THSD7A: variants seen among roughly 807,000 people sequenced by gnomAD.
THSD7A encodes the protein thrombospondin type-1 domain-containing protein 7A.
In THSD7A, 96 loss-of-function variants were observed where a neutral mutation model predicts 231.3. The ratio of observed to expected loss-of-function variants is 0.41; its 90% CI spans 0.35 to 0.49. THSD7A has a LOEUF of 0.49. THSD7A is among the 20% of genes least tolerant of loss of function. The pLI is 0.05. For synonymous variants in THSD7A, 940 were observed against 743.3 expected (o/e 1.26, Z -4.30); for missense variants, 2,290 against 2,070.2 (o/e 1.11, Z -2.06).
intron 1 of THSD7A, among the ~76,000 whole-genome samples, chr7:11,672,473 T>C (rs1284289561): frequency 6.6e-6 from 1 of 152,152 alleles, no homozygotes; most frequent in Non-Finnish European, 1.5e-5. Context: ...ATAAAGATGT[T>C]AATCTTATAA....
At chr7:11,781,117 T>G (rs539192504) in intron 1 of THSD7A, among the ~76,000 whole-genome samples, 1 of 145,700 alleles carries the variant, frequency 6.9e-6, no homozygotes, top group East Asian at 2.0e-4. Context: ...AATAGAAGTA[T>G]ATGCTGTGCA....
Position 11,567,107 on chromosome 7 carries a change from C to A in THSD7A, c.1453+23353G>T, listed in dbSNP as rs548510782. Among the ~76,000 whole-genome samples the A allele has an allele frequency of 2.6e-4, 40 of 152,164 alleles. 1 individual carries two copies. The highest frequency in any genetic ancestry group is 1.5e-3 in the South Asian group (7 of 4,810). On this transcript the variant is annotated intron_variant, in intron 4 of 27. Coordinates refer to ENST00000423059, the MANE Select transcript of THSD7A (RefSeq NM_015204.3). ...CTAATAATCCTTTAGGGCCCAATAT[C>A]CCATGTATTATTCCTTTTTCATACT...
At chr7:11,757,408 C>G (rs1042530101) in intron 1 of THSD7A, among the ~76,000 whole-genome samples, 4 of 151,860 alleles carry the variant, frequency 2.6e-5, no homozygotes, top group Admixed American at 6.6e-5. Flanking sequence ...TTTCAGAATA[C>G]CTTTGTATAC....
intron 6 of THSD7A, among the ~76,000 whole-genome samples, chr7:11,504,306 C>T (rs1787457855): frequency 6.6e-6 from 1 of 151,936 alleles, no homozygotes; most frequent in Admixed American, 6.6e-5. Flanking sequence ...CTGGCGTCCA[C>T]TTGATGGGAA....
At chr7:11,719,127 C>T (rs1320323620) in intron 1 of THSD7A, among the ~76,000 whole-genome samples, 1 of 151,512 alleles carries the variant, frequency 6.6e-6, no homozygotes, top group African/African-American at 2.4e-5. Context: ...TTTCATCCCC[C>T]AGAAAAGGTA....
chr7:11,675,056 A>T (rs1307971471), intron 1 of THSD7A, among the ~76,000 whole-genome samples: 1 of 152,062 alleles, frequency 6.6e-6, no homozygotes, highest in East Asian at 1.9e-4. Context: ...CTGCATTTCC[A>T]ACTAAGGCAC....
chr7:11,708,368 G>A (rs1056925712), intron 1 of THSD7A, among the ~76,000 whole-genome samples: 1 of 150,608 alleles, frequency 6.6e-6, no homozygotes, highest in African/African-American at 2.4e-5. Flanking sequence ...CCATATGTTT[G>A]TAAAACAAAA....
At chr7:11,407,900 T>C (rs575068600) in intron 19 of THSD7A, among the ~76,000 whole-genome samples, 1 of 152,300 alleles carries the variant, frequency 6.6e-6, no homozygotes, top group East Asian at 1.9e-4. Flanking sequence ...ACTAATGATA[T>C]CATGTATTGA....
rs1187651615 is a variant in THSD7A, at chr7:11,406,811, C to G, written c.4062+99G>C. On this transcript the variant is annotated intron_variant, in intron 21 of 27. Coordinates refer to ENST00000423059, the MANE Select transcript of THSD7A (RefSeq NM_015204.3). This position sits in a 1 kb window ranked among gnomAD's most constrained non-coding sequence, Gnocchi z 4.7. ...TTAAGAAGCTTGTCATCTGTGAGCT[C>G]TGAAACATATTTCTAACACATTATT... 1 of 1,396,642 alleles carries G rather than the reference C, an allele frequency of 7.2e-7. No individual in the cohort carries two copies. 86.5% of individuals were successfully genotyped at this position (1,396,642 alleles called of 1,614,324 possible).
chr7:11,755,657 A>G (rs1348614814), intron 1 of THSD7A, among the ~76,000 whole-genome samples: 1 of 152,084 alleles, frequency 6.6e-6, no homozygotes. Context: ...GCCAGCTGGA[A>G]GTACCTCATG....
intron 6 of THSD7A, among the ~76,000 whole-genome samples, chr7:11,514,876 C>T (rs1320183988): frequency 6.6e-6 from 1 of 152,098 alleles, no homozygotes; most frequent in Non-Finnish European, 1.5e-5. Context: ...AGCTCCAAAA[C>T]TAAGAACCAC....
Position 11,769,900 on chromosome 7 carries a change from G to A in THSD7A, c.190+61857C>T, listed in dbSNP as rs887011432. ...TCAAGTATCTTGAAAATTAAATAAC[G>A]TAAATAAGCAACATTTTTGAAAACT... On this transcript the variant is annotated intron_variant, in intron 1 of 27. Transcript: ENST00000423059. 9.2e-5 allele frequency among the ~76,000 whole-genome samples: 14 copies of A among 152,044 alleles called. No homozygotes were observed. The East Asian group carries it at 1.2e-3, about 13-fold the overall frequency.
chr7:11,763,068 T>G (rs936581809), intron 1 of THSD7A, among the ~76,000 whole-genome samples: 2 of 152,194 alleles, frequency 1.3e-5, no homozygotes, highest in Non-Finnish European at 2.9e-5. Flanking sequence ...AATTCTTTAT[T>G]GGGTCCCTAT....
rs35668623 is a variant in THSD7A at position 11,689,811 on chromosome 7, TA to T, written c.191-52851del. Among the ~76,000 whole-genome samples, 460 of 129,462 alleles carry T rather than the reference TA, an allele frequency of 3.6e-3. 1 individual carries two copies. The highest frequency in any genetic ancestry group is 5.7e-3 in the East Asian group (25 of 4,378). 84.9% of individuals were successfully genotyped at this position (129,462 alleles called of 152,430 possible). On this transcript the variant is annotated intron_variant, in intron 1 of 27. Transcript: ENST00000423059. ...AAATTCTCACCCATTTGGAATTAGT[TA>T]AAAAAAAAAAAAAAAAGGCAAGTTT...
intron 1 of THSD7A, among the ~76,000 whole-genome samples, chr7:11,829,657 T>C (rs1490429168): frequency 6.6e-6 from 1 of 152,164 alleles, no homozygotes; most frequent in Non-Finnish European, 1.5e-5. Flanking sequence ...GCCTCTTTAT[T>C]TTCATCAAGT....
At chr7:11,790,135 A>T (rs1279060426) in intron 1 of THSD7A, among the ~76,000 whole-genome samples, 2 of 152,170 alleles carry the variant, frequency 1.3e-5, no homozygotes, top group Middle Eastern at 3.4e-3. Flanking sequence ...CAAAAATCAG[A>T]GTTAAAAGCA....
At chr7:11,676,592 A>T (rs142645566) in intron 1 of THSD7A, among the ~76,000 whole-genome samples, 86 of 152,294 alleles carry the variant, frequency 5.6e-4, no homozygotes, top group African/African-American at 1.9e-3. Context: ...AGAGAGATGA[A>T]AAACATAGCA....
intron 7 of THSD7A, among the ~76,000 whole-genome samples, chr7:11,475,546 G>T (rs1786125570): frequency 6.7e-6 from 1 of 149,082 alleles, no homozygotes. Context: ...AGAAATCAGG[G>T]TTATAAGTAT....
At chr7:11,827,760 G>A (rs28574705) in intron 1 of THSD7A, among the ~76,000 whole-genome samples, 12,397 of 152,168 alleles carry the variant, frequency 0.081, 604 homozygotes, top group East Asian at 0.21. Flanking sequence ...ATTTTCCCAT[G>A]AGATATATTG....
Sources: gnomAD v4.1 joint callset for allele counts (sites outside exome capture counted in the v4.1 genomes callset) on GRCh38, gnomAD v4.1.1 for gene constraint, Gnocchi (gnomAD v3.1) non-coding constraint, MANE v1.5 for transcripts, NCBI Gene and HGNC (gene_info 2026-07-23, HGNC 2026-07-21) for gene names.